The following CADM2 variants were observed in gnomAD, a reference collection of about 807,000 sequenced individuals.
The protein encoded by CADM2 is immunoglobulin superfamily member 4D.
Under a neutral mutation model 49.8 loss-of-function variants are expected in CADM2, and 12 were observed. The observed-to-expected ratio is 0.24, with a 90% CI of 0.15 to 0.39. The LOEUF (loss-of-function observed/expected upper bound fraction) is 0.39. CADM2 is among the 10% of genes least tolerant of loss of function. The pLI is 1.00. For synonymous variants in CADM2, 214 were observed against 175.4 expected, an observed-to-expected ratio of 1.22 and a Z score of -1.74; for missense variants, 378 against 492.3, an observed-to-expected ratio of 0.77 and a Z score of 2.20.
At chr3:85,851,848 A>G (rs762161128) in intron 3 of CADM2, among the ~76,000 whole-genome samples, 1 of 152,008 alleles carries the variant, frequency 6.6e-6, no homozygotes, top group African/African-American at 2.4e-5. Context: ...TTCATCTTGA[A>G]CAACTTAGGT....
chr3:85,079,382 A>G (rs1427788834), intron 1 of CADM2, among the ~76,000 whole-genome samples: 2 of 151,856 alleles, frequency 1.3e-5, no homozygotes, highest in South Asian at 2.1e-4. Flanking sequence ...ATGTGGGCTC[A>G]TAGGTATAAT....
intron 1 of CADM2, among the ~76,000 whole-genome samples, chr3:85,054,081 G>A (rs974096005): frequency 1.4e-4 from 21 of 151,860 alleles, no homozygotes; most frequent in African/African-American, 4.8e-4. Flanking sequence ...AGTATTTACC[G>A]AGAGCCTATT....
chr3:86,068,785 A>G lies in CADM2; in HGVS notation c.*2002A>G, dbSNP rs555039639. On this transcript the variant is annotated 3_prime_UTR_variant, in exon 10 of 10. Transcript: ENST00000383699. ...GTTAACATAATAAATCATATACAGT[A>G]TGACATTTTAAGGAAATAAGTCTGC... 35 of 152,476 alleles carry G rather than the reference A, an allele frequency of 2.3e-4. No individual in the cohort carries two copies. The highest frequency in any genetic ancestry group is 2.1e-3 in the Admixed American group (32 of 15,276). 9.4% of individuals were successfully genotyped at this position (152,476 alleles called of 1,614,324 possible). A position where few individuals can be genotyped will look rare whatever the true frequency, so the allele number is the denominator to read the frequency against.
chr3:85,530,248 G>A (rs529603169), intron 1 of CADM2, among the ~76,000 whole-genome samples: 1 of 149,964 alleles, frequency 6.7e-6, no homozygotes, highest in Admixed American at 6.6e-5. Flanking sequence ...CTACCGCCAT[G>A]ATTGTAAACT....
chr3:84,982,763 T>G (rs1477034408), intron 1 of CADM2, among the ~76,000 whole-genome samples: 3 of 144,982 alleles, frequency 2.1e-5, no homozygotes, highest in Non-Finnish European at 4.5e-5. Flanking sequence ...ATTTTTTTTT[T>G]GAGACTTAGT....
At position 84,970,529 on chromosome 3, in the gene CADM2, G is replaced by T. The variant is rs546775895; in HGVS notation, c.61+10861G>T. 3.8e-4 allele frequency among the ~76,000 whole-genome samples: 58 copies of T among 151,814 alleles called. No individual in the cohort carries two copies. In the South Asian group the frequency reaches 7.3e-3, roughly 19 times the overall value. On this transcript the variant is annotated intron_variant, in intron 1 of 9. Transcript: ENST00000383699. ...TTTCCCTGATGTCTTGTGGATTTTT[G>T]ACTGTTTCATGACTCTTAGCATTTG...
At chr3:86,013,571 C>A in intron 8 of CADM2, 1 of 1,602,202 alleles carries the variant, frequency 6.2e-7, no homozygotes, top group South Asian at 1.1e-5. Flanking sequence ...TCTGTGAGAG[C>A]TGTATTCGAG....
intron 1 of CADM2, among the ~76,000 whole-genome samples, chr3:85,415,314 G>A (rs1477412367): frequency 2.0e-5 from 3 of 151,476 alleles, no homozygotes; most frequent in African/African-American, 7.3e-5. Flanking sequence ...CCCTACTCGG[G>A]AATTCTGATC....
chr3:85,855,989 G>A (rs2075304718), intron 3 of CADM2, among the ~76,000 whole-genome samples: 1 of 152,118 alleles, frequency 6.6e-6, no homozygotes, highest in Non-Finnish European at 1.5e-5. Flanking sequence ...GGAAATCAAT[G>A]CAGCATTGCA....
At chr3:86,063,263 C>T (rs1209060789) in intron 8 of CADM2, among the ~76,000 whole-genome samples, 1 of 152,148 alleles carries the variant, frequency 6.6e-6, no homozygotes, top group Non-Finnish European at 1.5e-5. Flanking sequence ...ATTAATTCTC[C>T]TCTCCATCGC....
At chr3:85,321,987 T>C (rs1407026721) in intron 1 of CADM2, among the ~76,000 whole-genome samples, 1 of 152,224 alleles carries the variant, frequency 6.6e-6, no homozygotes, top group African/African-American at 2.4e-5. Flanking sequence ...TGCCCAAGCA[T>C]AATAATGTTG....
intron 3 of CADM2, among the ~76,000 whole-genome samples, chr3:85,844,361 A>T (rs2074782807): frequency 6.6e-6 from 1 of 152,152 alleles, no homozygotes; most frequent in African/African-American, 2.4e-5. Context: ...GAATAAAAAC[A>T]AACCCTTTTT....
intron 8 of CADM2, chr3:86,014,693 A>G: frequency 6.5e-7 from 1 of 1,534,160 alleles, no homozygotes; most frequent in African/African-American, 1.4e-5. Flanking sequence ...AATTCAATAC[A>G]CCGGAGGAAC....
intron 8 of CADM2, among the ~76,000 whole-genome samples, chr3:85,990,435 G>T (rs964553679): frequency 2.0e-5 from 3 of 152,044 alleles, no homozygotes; most frequent in Non-Finnish European, 2.9e-5. Flanking sequence ...ACTTACAATG[G>T]GATTATCTGG....
chr3:85,267,871 T>C (rs2043155450), intron 1 of CADM2, among the ~76,000 whole-genome samples: 1 of 151,668 alleles, frequency 6.6e-6, no homozygotes, highest in Non-Finnish European at 1.5e-5. Flanking sequence ...ATGTCCTAAT[T>C]CTTATTATCA....
intron 1 of CADM2, among the ~76,000 whole-genome samples, chr3:85,107,662 TCC>T (rs1446462170): frequency 3.7e-4 from 56 of 149,710 alleles, no homozygotes; most frequent in South Asian, 1.9e-3. Flanking sequence ...TTTCTTTTTT[TCC>T]TTCCTTCCTT....
At chr3:85,484,563 G>A (rs1024670351) in intron 1 of CADM2, among the ~76,000 whole-genome samples, 8 of 151,784 alleles carry the variant, frequency 5.3e-5, no homozygotes, top group African/African-American at 1.4e-4. Context: ...AGTTTAGGGG[G>A]CCAGATATGT....
At chr3:85,324,352 A>G (rs981599939) in intron 1 of CADM2, among the ~76,000 whole-genome samples, 1 of 152,164 alleles carries the variant, frequency 6.6e-6, no homozygotes, top group Non-Finnish European at 1.5e-5. Context: ...GTTGGATTCT[A>G]CGCCCAAAGC....
intron 1 of CADM2, among the ~76,000 whole-genome samples, chr3:85,213,214 G>A (rs943480261): frequency 6.6e-6 from 1 of 151,970 alleles, no homozygotes; most frequent in African/African-American, 2.4e-5. Context: ...CATGAATGTA[G>A]TTTCCTTTCC....
Sources: allele counts gnomAD v4.1 joint callset (sites outside exome capture counted in the v4.1 genomes callset), GRCh38; gene constraint gnomAD v4.1.1; transcripts MANE v1.5; gene names NCBI Gene and HGNC (gene_info 2026-07-23, HGNC 2026-07-21).